The following RBFOX1 variants were observed in gnomAD, a reference collection of about 807,000 sequenced individuals.
RBFOX1 encodes the protein RNA binding fox-1 homolog 1.
Under a neutral mutation model 57.7 loss-of-function variants are expected in RBFOX1, and 8 were observed. The ratio of observed to expected loss-of-function variants is 0.14; its 90% CI spans 0.08 to 0.25. The LOEUF (loss-of-function observed/expected upper bound fraction) is 0.25, where lower values mean the gene tolerates loss of function less well. RBFOX1 is among the 10% of genes least tolerant of loss of function. RBFOX1 has a pLI of 1.00. For missense variants in RBFOX1, 611 were observed against 548.5 expected, an observed-to-expected ratio of 1.11 and a Z score of -1.14; for synonymous variants, 326 against 222.4, an observed-to-expected ratio of 1.47 and a Z score of -4.15.
chr16:7,114,231 G>A (rs999093823), intron 4 of RBFOX1, among the ~76,000 whole-genome samples: 3 of 152,096 alleles, frequency 2.0e-5, no homozygotes, highest in South Asian at 2.1e-4. Flanking sequence ...AAAATAATTA[G>A]GAAAGTGATT....
intron 3 of RBFOX1, among the ~76,000 whole-genome samples, chr16:5,808,360 C>T (rs930665724): frequency 3.9e-5 from 6 of 152,180 alleles, no homozygotes; most frequent in African/African-American, 1.2e-4. Context: ...CTTGATGCCT[C>T]CAGCTATGTT....
chr16:7,540,181 G>T (rs3826224), intron 5 of RBFOX1, among the ~76,000 whole-genome samples: 19,173 of 152,180 alleles, frequency 0.13, 1,284 homozygotes, highest in African/African-American at 0.18. Flanking sequence ...ATCTTTTATA[G>T]TGTACTCCCA....
chr16:5,372,527 G>T (rs957585880), intron 1 of RBFOX1, among the ~76,000 whole-genome samples: 2 of 152,200 alleles, frequency 1.3e-5, no homozygotes, highest in Non-Finnish European at 2.9e-5. Context: ...TCCACGTGTG[G>T]CACACAGGTT....
intron 1 of RBFOX1, among the ~76,000 whole-genome samples, chr16:6,196,320 G>A (rs1302989109): frequency 1.3e-5 from 2 of 152,154 alleles, no homozygotes; most frequent in Non-Finnish European, 2.9e-5. Flanking sequence ...CAAGTTACTG[G>A]ATATGTTATT....
chr16:5,768,299 A>C (rs1020679335), intron 3 of RBFOX1, among the ~76,000 whole-genome samples: 2 of 152,318 alleles, frequency 1.3e-5, no homozygotes, highest in East Asian at 3.9e-4. Flanking sequence ...ATGTGCATCA[A>C]ATGGGGGCCG....
At chr16:6,719,098 C>T (rs902045679) in intron 3 of RBFOX1, among the ~76,000 whole-genome samples, 33 of 152,100 alleles carry the variant, frequency 2.2e-4, no homozygotes, top group African/African-American at 8.0e-4. Flanking sequence ...AACTCCTGGG[C>T]TCAAGGGATT....
rs185531860 is a variant in RBFOX1 at position 6,035,551 on chromosome 16, A to G, written c.-127+15559A>G. Reference sequence around the variant, plus strand: ...TATGTTCCCAACTATAGTCCAGCTTATATATTATACAGCTTTTCTATTCCT... The same window carrying G: ...TATGTTCCCAACTATAGTCCAGCTTGTATATTATACAGCTTTTCTATTCCT... On this transcript the variant is annotated intron_variant, in intron 1 of 15. Coordinates refer to ENST00000550418, the MANE Select transcript of RBFOX1 (RefSeq NM_018723.4). Among the ~76,000 whole-genome samples the G allele has an allele frequency of 2.0e-3, 303 of 152,268 alleles. 2 individuals carry two copies. Among genetic ancestry groups the G allele is most frequent in the Admixed American group, 4.6e-3 (70 of 15,308 alleles).
At chr16:6,506,093 G>T (rs80163596) in intron 2 of RBFOX1, among the ~76,000 whole-genome samples, 1 of 152,174 alleles carries the variant, frequency 6.6e-6, no homozygotes, top group Non-Finnish European at 1.5e-5. Context: ...CATATATCCA[G>T]ACATGCCCTA....
chr16:7,172,105 A>G (rs2080819030), intron 4 of RBFOX1, among the ~76,000 whole-genome samples: 1 of 152,202 alleles, frequency 6.6e-6, no homozygotes, highest in Non-Finnish European at 1.5e-5. Flanking sequence ...TCATCTGTAA[A>G]ATGAAACATC....
intron 2 of RBFOX1, among the ~76,000 whole-genome samples, chr16:5,558,397 A>C (rs912698558): frequency 5.3e-5 from 8 of 152,070 alleles, no homozygotes; most frequent in Non-Finnish European, 7.4e-5. Context: ...ACCCATCTGC[A>C]AGTTCCCCTT....
intron 4 of RBFOX1, among the ~76,000 whole-genome samples, chr16:5,980,443 G>A (rs1370266801): frequency 1.3e-5 from 2 of 152,160 alleles, no homozygotes; most frequent in African/African-American, 4.8e-5. Context: ...GATCCTGCAG[G>A]AGGCCGAATT....
intron 3 of RBFOX1, among the ~76,000 whole-genome samples, chr16:6,925,035 G>T (rs1287807458): frequency 7.0e-6 from 1 of 142,844 alleles, no homozygotes; most frequent in Non-Finnish European, 1.5e-5. Context: ...TTTTATGGCT[G>T]CATAATATTC....
intron 4 of RBFOX1, among the ~76,000 whole-genome samples, chr16:7,148,691 A>T (rs751143388): frequency 5.3e-5 from 8 of 152,180 alleles, no homozygotes; most frequent in Non-Finnish European, 1.2e-4. Context: ...TACTCTCTAC[A>T]GTTTTAACAT....
rs181280852 is a variant in RBFOX1 at position 7,104,422 on chromosome 16, A to G, written c.27+52324A>G. 2.2e-3 allele frequency among the ~76,000 whole-genome samples: 338 copies of G among 152,224 alleles called. 1 individual carries two copies. Among genetic ancestry groups the G allele is most frequent in the African/African-American group, 7.4e-3 (308 of 41,552 alleles). On this transcript the variant is annotated intron_variant, in intron 4 of 15. Coordinates refer to ENST00000550418, the MANE Select transcript of RBFOX1 (RefSeq NM_018723.4). Reference sequence around the variant, plus strand: ...TATGCCCCTCTGATTAAAACAGACTATTGTCATCCTGAGATGGAGGGAAAT... The same window carrying G: ...TATGCCCCTCTGATTAAAACAGACTGTTGTCATCCTGAGATGGAGGGAAAT...
chr16:5,763,289 A>T (rs746023370), intron 3 of RBFOX1, among the ~76,000 whole-genome samples: 4 of 152,206 alleles, frequency 2.6e-5, no homozygotes, highest in African/African-American at 7.2e-5. Context: ...AGGAAGTGTC[A>T]TGTCTGGGAA....
At chr16:6,623,310 C>T (rs1002119706) in intron 2 of RBFOX1, among the ~76,000 whole-genome samples, 4 of 152,076 alleles carry the variant, frequency 2.6e-5, no homozygotes, top group Non-Finnish European at 5.9e-5. Flanking sequence ...GTTTCAGTGA[C>T]AGTGGGGAGC....
At chr16:6,335,776 C>CAAAAAAAA (rs57151962) in intron 2 of RBFOX1, among the ~76,000 whole-genome samples, 2 of 50,952 alleles carry the variant, frequency 3.9e-5, no homozygotes, top group African/African-American at 1.1e-4. Context: ...AGACTGTCTC[C>CAAAAAAAA]AAAAAAAAAA....
chr16:6,651,906 C>T (rs771295644), intron 2 of RBFOX1, among the ~76,000 whole-genome samples: 3 of 152,142 alleles, frequency 2.0e-5, no homozygotes, highest in Admixed American at 1.3e-4. Context: ...GAAATTCTAA[C>T]ACATGCTACC....
chr16:6,549,970 G>A (rs561150238), intron 2 of RBFOX1, among the ~76,000 whole-genome samples: 2 of 152,268 alleles, frequency 1.3e-5, no homozygotes, highest in African/African-American at 2.4e-5. Flanking sequence ...TGCTTTTACA[G>A]TGGATTTTCT....
Sources: allele counts gnomAD v4.1 joint callset (sites outside exome capture counted in the v4.1 genomes callset), GRCh38; gene constraint gnomAD v4.1.1; transcripts MANE v1.5; gene names NCBI Gene and HGNC (gene_info 2026-07-23, HGNC 2026-07-21).